DNAJB6: variants seen among roughly 807,000 people sequenced by gnomAD.
The protein encoded by DNAJB6 is DnaJ heat shock protein family (Hsp40) member B6.
DNAJB6 carries 16 observed loss-of-function variants against 42.7 expected under a neutral mutation model. That is an observed-to-expected ratio of 0.37 (90% CI 0.25 to 0.57). DNAJB6 has a LOEUF of 0.57. DNAJB6 is among the 20% of genes least tolerant of loss of function. The pLI, the probability that DNAJB6 is intolerant of heterozygous loss-of-function variation, is 0.74. For synonymous variants in DNAJB6, 170 were observed against 163.5 expected, an observed-to-expected ratio of 1.04 and a Z score of -0.30; for missense variants, 347 against 416.8, an observed-to-expected ratio of 0.83 and a Z score of 1.46.
chr7:157,397,573 G>A (rs1801652332), intron 8 of DNAJB6, among the ~76,000 whole-genome samples: 1 of 152,194 alleles, frequency 6.6e-6, no homozygotes, highest in Non-Finnish European at 1.5e-5. Context: ...CCCGTGCTCC[G>A]ATTTCCTCCT....
chr7:157,382,524 C>A (rs1260576139), intron 6 of DNAJB6, 147 bp downstream of exon 6: 2 of 707,752 alleles, frequency 2.8e-6, no homozygotes, highest in Non-Finnish European at 4.1e-6. Flanking sequence ...TTTTGGTATA[C>A]AGGTCTGCGC....
intron 9 of DNAJB6, among the ~76,000 whole-genome samples, chr7:157,415,713 T>C (rs569185195): frequency 6.6e-6 from 1 of 151,808 alleles, no homozygotes; most frequent in African/African-American, 2.4e-5. Flanking sequence ...GGCTTCTAGC[T>C]CTGCCGCTGG....
intron 8 of DNAJB6, among the ~76,000 whole-genome samples, chr7:157,388,178 AT>A (rs1801168630): frequency 6.6e-6 from 1 of 152,194 alleles, no homozygotes. Context: ...TCTTCCATTG[AT>A]AGAAGTGTAA....
chr7:157,388,022 T>G (rs527366108), intron 8 of DNAJB6, among the ~76,000 whole-genome samples: 3 of 152,184 alleles, frequency 2.0e-5, no homozygotes, highest in African/African-American at 7.2e-5. Flanking sequence ...ATTTTTGTAT[T>G]TTTAGTAGAG....
intron 6 of DNAJB6, among the ~76,000 whole-genome samples, chr7:157,383,014 T>G (rs1563137566): frequency 6.6e-6 from 1 of 152,198 alleles, no homozygotes; most frequent in Admixed American, 6.5e-5. Context: ...GTGTTTTGTT[T>G]TTAAATTTAA....
In DNAJB6 at chr7:157,339,281, C is replaced by CTTTTTTTT. The variant is rs34284253; in HGVS notation, c.-27+2160_-27+2167dup. Among the ~76,000 whole-genome samples the CTTTTTTTT allele has an allele frequency of 1.4e-3, 93 of 68,288 alleles. 9 individuals carry two copies. The highest frequency in any genetic ancestry group is 2.2e-3 in the Non-Finnish European group (81 of 36,342). The allele number at this position is 68,288 out of a possible 152,430, so 44.8% of individuals were successfully genotyped here. A position where few individuals can be genotyped will look rare whatever the true frequency, so the allele number is the denominator to read the frequency against. Reference sequence around the variant, plus strand: ...TGGGGGTGGAATGGTCTGTTTGCACCTTTTTTTTTTTTTTTTTTTTTTTTT... The same window carrying CTTTTTTTT: ...TGGGGGTGGAATGGTCTGTTTGCACCTTTTTTTTTTTTTTTTTTTTTTTTTTTTTTTTT... On this transcript the variant is annotated intron_variant, in intron 1 of 9. Coordinates refer to ENST00000262177, the MANE Select transcript of DNAJB6 (RefSeq NM_058246.4).
At chr7:157,384,445 C>G (rs1800947728) in intron 6 of DNAJB6, among the ~76,000 whole-genome samples, 1 of 152,160 alleles carries the variant, frequency 6.6e-6, no homozygotes, top group African/African-American at 2.4e-5. Context: ...CACGCCAAAG[C>G]AAACAGAGCT....
At chr7:157,361,525 A>G (rs774273318) in intron 2 of DNAJB6, among the ~76,000 whole-genome samples, 12 of 152,182 alleles carry the variant, frequency 7.9e-5, no homozygotes, top group Non-Finnish European at 1.3e-4. Flanking sequence ...AGCTTTAATC[A>G]GATTTTAGTA....
intron 7 of DNAJB6, 40 bp from the exon 8 acceptor site, chr7:157,385,501 C>G (rs1472859439): frequency 6.2e-7 from 1 of 1,600,870 alleles, no homozygotes; most frequent in Admixed American, 1.7e-5. Context: ...CATGCATTTT[C>G]TTTACCAGAA....
chr7:157,384,265 C>G (rs1338922766), intron 6 of DNAJB6, among the ~76,000 whole-genome samples: 1 of 152,124 alleles, frequency 6.6e-6, no homozygotes, highest in Non-Finnish European at 1.5e-5. Context: ...GAGACGAATA[C>G]TTGTATTCTT....
chr7:157,372,474 G>A (rs372820721), intron 5 of DNAJB6, among the ~76,000 whole-genome samples: 3 of 152,198 alleles, frequency 2.0e-5, no homozygotes, highest in Admixed American at 6.5e-5. Context: ...GGGCGCTGCC[G>A]GCACCACCAT....
In DNAJB6 at chr7:157,341,855, C is replaced by CT. The variant is rs145756486; in HGVS notation, c.-27+4712dup. Reference sequence around the variant, plus strand: ...AAATAAGTTTCAGCAGCACTGGAGACTGAGTACTTAACCGAGTGTTGCTTT... The same window carrying CT: ...AAATAAGTTTCAGCAGCACTGGAGACTTGAGTACTTAACCGAGTGTTGCTTT... On this transcript the variant is annotated intron_variant, in intron 1 of 9. Coordinates refer to ENST00000262177, the MANE Select transcript of DNAJB6 (RefSeq NM_058246.4). Among the ~76,000 whole-genome samples, 646 of 152,334 alleles carry CT rather than the reference C, an allele frequency of 4.2e-3. 5 individuals are homozygous for CT. Among genetic ancestry groups the CT allele is most frequent in the African/African-American group, 0.015 (616 of 41,582 alleles).
chr7:157,338,086 A>G (rs1357832604), intron 1 of DNAJB6, among the ~76,000 whole-genome samples: 3 of 152,224 alleles, frequency 2.0e-5, no homozygotes, highest in African/African-American at 7.2e-5. Context: ...TGCGAATTTT[A>G]GTAAGGATTT....
intron 8 of DNAJB6, chr7:157,386,395 A>G (rs930718153): frequency 7.8e-6 from 6 of 772,920 alleles, no homozygotes; most frequent in African/African-American, 5.7e-5. Flanking sequence ...CGTGCTGTTC[A>G]TTCAGGTGGA....
chr7:157,348,943 T>C (rs1040120366), intron 1 of DNAJB6, among the ~76,000 whole-genome samples: 1 of 152,230 alleles, frequency 6.6e-6, no homozygotes, highest in African/African-American at 2.4e-5. Flanking sequence ...GAGCTTACTC[T>C]TGTTTTTCAT....
intron 2 of DNAJB6, among the ~76,000 whole-genome samples, chr7:157,359,103 G>A (rs1264319494): frequency 1.3e-5 from 2 of 152,204 alleles, no homozygotes; most frequent in East Asian, 3.8e-4. Context: ...CCAGGGCCTG[G>A]CCATTGTGAG....
At chr7:157,391,142 A>G (rs1801321183) in intron 8 of DNAJB6, among the ~76,000 whole-genome samples, 1 of 152,122 alleles carries the variant, frequency 6.6e-6, no homozygotes, top group Non-Finnish European at 1.5e-5. Flanking sequence ...AGCCCAGAGC[A>G]TTTTACACCA....
At chr7:157,371,504 G>C (rs1247838073) in intron 5 of DNAJB6, among the ~76,000 whole-genome samples, 1 of 152,202 alleles carries the variant, frequency 6.6e-6, no homozygotes, top group Non-Finnish European at 1.5e-5. Context: ...GGGGCCTGCG[G>C]TGTGGAACCC....
At chr7:157,403,458 G>A (rs540968214) in intron 8 of DNAJB6, among the ~76,000 whole-genome samples, 84 of 152,296 alleles carry the variant, frequency 5.5e-4, no homozygotes, top group African/African-American at 2.0e-3. Context: ...TGAGGGAGGT[G>A]TGTGGCTTTT....
Sources: allele counts gnomAD v4.1 joint callset (sites outside exome capture counted in the v4.1 genomes callset), GRCh38; gene constraint gnomAD v4.1.1; transcripts MANE v1.5; gene names NCBI Gene and HGNC (gene_info 2026-07-23, HGNC 2026-07-21).